Variants in ST18 observed in about 807,000 individuals in gnomAD.
ST18 encodes the protein suppression of tumorigenicity 18 protein.
A neutral mutation model predicts 110.0 loss-of-function variants in ST18; 50 were observed. The observed-to-expected ratio is 0.45, with a 90% CI of 0.36 to 0.58. The LOEUF (loss-of-function observed/expected upper bound fraction) is 0.58, where lower values mean the gene tolerates loss of function less well. ST18 is among the 20% of genes least tolerant of loss of function. The pLI, the probability that ST18 is intolerant of heterozygous loss-of-function variation, is 0.00. For missense variants in ST18, 1,306 were observed against 1,280.1 expected (o/e 1.02, Z -0.31); for synonymous variants, 461 against 452.4 (o/e 1.02, Z -0.24).
chr8:52,202,574 A>T (rs1217596491), intron 8 of ST18, among the ~76,000 whole-genome samples: 3 of 152,234 alleles, frequency 2.0e-5, no homozygotes, highest in African/African-American at 7.2e-5. Flanking sequence ...GTTTTGAAAC[A>T]GACAAGTAAA....
At chr8:52,248,917 G>A (rs2138147244) in intron 2 of ST18, among the ~76,000 whole-genome samples, 1 of 152,204 alleles carries the variant, frequency 6.6e-6, no homozygotes. Context: ...ATTAGGGGCT[G>A]GGGCAATTTT....
intron 3 of ST18, among the ~76,000 whole-genome samples, chr8:52,227,188 T>G (rs2089766296): frequency 6.6e-6 from 1 of 152,170 alleles, no homozygotes; most frequent in Admixed American, 6.5e-5. Context: ...ATAAAGATTT[T>G]TAAAAAATAC....
At chr8:52,257,901 A>G (rs2138573310) in intron 2 of ST18, among the ~76,000 whole-genome samples, 1 of 152,330 alleles carries the variant, frequency 6.6e-6, no homozygotes, top group Non-Finnish European at 1.5e-5. Context: ...CAAGAGTTTT[A>G]GAATTTTAAT....
chr8:52,167,051 TG>T, intron 10 of ST18, 65 bp from the exon 11 acceptor site: 1 of 1,549,750 alleles, frequency 6.5e-7, no homozygotes, highest in Non-Finnish European at 8.8e-7. Flanking sequence ...TTCAATAGAA[TG>T]GCCTTGCAGG....
At position 52,340,484 on chromosome 8, in the gene ST18, AG is replaced by A. The variant is rs1814420146; in HGVS notation, c.-465+68843del. ...CGTGGCTCTATGACCACACGGACAA[AG>A]TGCAGAAGAGCCACATTTTAATGTT... is the stretch of plus-strand genomic sequence containing the variant. On this transcript the variant is annotated intron_variant, in intron 2 of 25. Transcript: ENST00000689386. Among the ~76,000 whole-genome samples the A allele has an allele frequency of 2.0e-5, 3 of 152,348 alleles. No homozygotes were observed. In the South Asian group the frequency reaches 6.2e-4, roughly 32 times the overall value.
At chr8:52,240,820 A>C (rs1469451107) in intron 2 of ST18, among the ~76,000 whole-genome samples, 1 of 152,182 alleles carries the variant, frequency 6.6e-6, no homozygotes, top group East Asian at 1.9e-4. Flanking sequence ...TTCCTGAAGA[A>C]GCTGCTTATG....
At chr8:52,377,327 A>G (rs16917765) in intron 2 of ST18, among the ~76,000 whole-genome samples, 114,305 of 152,200 alleles carry the variant, frequency 0.75, 48,063 homozygotes, top group Non-Finnish European at 0.93. Flanking sequence ...GTACAACACA[A>G]CCTCACAACC....
At chr8:52,292,607 G>C (rs1484755203) in intron 2 of ST18, among the ~76,000 whole-genome samples, 1 of 152,204 alleles carries the variant, frequency 6.6e-6, no homozygotes. Context: ...CTGACACACT[G>C]TCCTATGGGG....
intron 2 of ST18, among the ~76,000 whole-genome samples, chr8:52,266,482 G>T (rs1018957040): frequency 6.6e-6 from 1 of 151,674 alleles, no homozygotes. Context: ...TGAAGAGAAT[G>T]TATAGATTTA....
At chr8:52,298,452 C>A (rs936597828) in intron 2 of ST18, among the ~76,000 whole-genome samples, 25 of 152,152 alleles carry the variant, frequency 1.6e-4, no homozygotes, top group Non-Finnish European at 3.4e-4. Context: ...TAGCATCAAC[C>A]TAATTAAGTA....
intron 8 of ST18, among the ~76,000 whole-genome samples, chr8:52,195,074 A>G (rs1345250516): frequency 2.0e-5 from 3 of 152,362 alleles, no homozygotes; most frequent in African/African-American, 7.2e-5. Context: ...CCAGAGATTG[A>G]CAGAGCAGTT....
intron 2 of ST18, among the ~76,000 whole-genome samples, chr8:52,362,187 C>A (rs548636468): frequency 3.5e-4 from 54 of 152,310 alleles, no homozygotes; most frequent in African/African-American, 1.2e-3. Context: ...TTTACAAATA[C>A]TGTAATGTGA....
At chr8:52,407,484 C>A (rs903689561) in intron 2 of ST18, 40 of 152,178 alleles carry the variant, frequency 2.6e-4, no homozygotes, top group African/African-American at 9.6e-4. Flanking sequence ...CAAAAAGCTG[C>A]ATAATGAATA....
intron 25 of ST18, among the ~76,000 whole-genome samples, chr8:52,113,627 T>C (rs2041267157): frequency 2.6e-5 from 4 of 152,148 alleles, no homozygotes; most frequent in Admixed American, 2.6e-4. Context: ...ACTTTTCTAC[T>C]TCTCTTGGGA....
chr8:52,206,217 G>A (rs970894291), intron 8 of ST18, among the ~76,000 whole-genome samples: 1 of 152,260 alleles, frequency 6.6e-6, no homozygotes, highest in South Asian at 2.1e-4. Flanking sequence ...TGGGCTTGCT[G>A]TATGGCTCCA....
At chr8:52,249,942 A>T (rs1589283625) in intron 2 of ST18, among the ~76,000 whole-genome samples, 1 of 152,188 alleles carries the variant, frequency 6.6e-6, no homozygotes, top group Non-Finnish European at 1.5e-5. Flanking sequence ...TTTCTTGAGC[A>T]GTTTCTCCTT....
At chr8:52,192,011 C>T (rs987114765) in intron 8 of ST18, among the ~76,000 whole-genome samples, 1 of 152,164 alleles carries the variant, frequency 6.6e-6, no homozygotes, top group African/African-American at 2.4e-5. Flanking sequence ...ACAGACAGAA[C>T]AACCTGGCCA....
chr8:52,127,942 C>A (rs998556979), intron 22 of ST18, among the ~76,000 whole-genome samples: 3 of 151,730 alleles, frequency 2.0e-5, no homozygotes, highest in Non-Finnish European at 2.9e-5. Flanking sequence ...TGGTTTTGAC[C>A]AAAATTACCA....
At chr8:52,409,500 T>C (rs777361247) in intron 1 of ST18, 48 bp from the exon 2 acceptor site, 8 of 150,824 alleles carry the variant, frequency 5.3e-5, no homozygotes, top group Non-Finnish European at 7.4e-5. Flanking sequence ...AAGAAAACCA[T>C]TGATTTTCAA....
Sources: gnomAD v4.1 joint callset for allele counts (sites outside exome capture counted in the v4.1 genomes callset) on GRCh38, gnomAD v4.1.1 for gene constraint, MANE v1.5 for transcripts, NCBI Gene and HGNC (gene_info 2026-07-23, HGNC 2026-07-21) for gene names.